The following SHQ1 variants were observed in gnomAD, a reference collection of about 807,000 sequenced individuals.
The protein encoded by SHQ1 is protein SHQ1 homolog.
In SHQ1, 49 loss-of-function variants were observed where a neutral mutation model predicts 53.8. That is an observed-to-expected ratio of 0.91 (90% CI 0.72 to 1.16). The LOEUF (loss-of-function observed/expected upper bound fraction) is 1.16, where lower values mean the gene tolerates loss of function less well. Among genes scored for constraint, SHQ1 ranks in the 50% most tolerant of loss-of-function variants. The pLI is 0.00. For synonymous variants in SHQ1, 243 were observed against 251.0 expected (o/e 0.97, Z 0.30); for missense variants, 738 against 683.1 (o/e 1.08, Z -0.90).
At chr3:72,815,546 A>G (rs1707286541) in intron 7 of SHQ1, 143 bp from the exon 8 acceptor site, 3 of 577,716 alleles carry the variant, frequency 5.2e-6, no homozygotes, top group African/African-American at 3.7e-5. Context: ...TAGAAAAATA[A>G]TTATTTTGCT....
intron 9 of SHQ1, among the ~76,000 whole-genome samples, chr3:72,804,848 C>T (rs894359786): frequency 6.6e-6 from 1 of 152,066 alleles, no homozygotes; most frequent in African/African-American, 2.4e-5. Context: ...CAGAGTGAGA[C>T]CTTGTCCCTA....
Position 72,798,292 on chromosome 3 carries a change from G to A in SHQ1, c.1061-5256C>T, listed in dbSNP as rs565760985. Among the ~76,000 whole-genome samples, 6 of 152,272 alleles carry A rather than the reference G, an allele frequency of 3.9e-5. No homozygotes were observed. The East Asian group carries it at 9.6e-4, about 24-fold the overall frequency. On this transcript the variant is annotated intron_variant, in intron 9 of 10. Coordinates refer to ENST00000325599, the MANE Select transcript of SHQ1 (RefSeq NM_018130.3). ...CAGGACGTTAAATCCCAAGAGTTAG[G>A]GATTCTCTAGGATGGACTTGGCTGA...
rs374852297 is a variant in SHQ1, at chr3:72,750,613, C to T, written c.1405G>A (p.Glu469Lys). The T allele has an allele frequency of 3.3e-5, 53 of 1,614,076 alleles. No individual in the cohort carries two copies. Among genetic ancestry groups the T allele is most frequent in the Middle Eastern group, 1.6e-4 (1 of 6,084 alleles). The change falls in exon 11 of 11, where the codon GAA (glutamate) becomes AAA (lysine). Residue 469 changes from glutamate to lysine, a missense_variant. Physicochemically the swap from Glu to Lys is moderately conservative, Grantham distance 56 (BLOSUM62 1). Coordinates refer to ENST00000325599, the MANE Select transcript of SHQ1 (RefSeq NM_018130.3). The stretch of plus-strand genomic sequence containing the variant: ...TGTTCTGAATCTGAGCCTGAGTCTT[C>T]GTTTCCAGATGACACGCTGCTGTCT... The part of the protein sequence containing the change: ...DSDSSVSSGN[E>K]DSGSDSEQDE...
chr3:72,830,094 G>A (rs891773047), intron 5 of SHQ1, among the ~76,000 whole-genome samples: 1 of 148,552 alleles, frequency 6.7e-6, no homozygotes, highest in Admixed American at 6.7e-5. Flanking sequence ...CAGCACTATA[G>A]TGAGCTGCAA....
chr3:72,751,508 G>GTGTATATATATATATA lies in SHQ1; in HGVS notation c.1182-673_1182-672insTATATATATATATACA, dbSNP rs1210782182. Among the ~76,000 whole-genome samples, 109 of 116,958 alleles carry GTGTATATATATATATA rather than the reference G, an allele frequency of 9.3e-4. 1 individual carries two copies. Among genetic ancestry groups the GTGTATATATATATATA allele is most frequent in the African/African-American group, 7.1e-4 (16 of 22,606 alleles). The allele number at this position is 116,958 out of a possible 152,430, so 76.7% of individuals were successfully genotyped here. ...TGTGTGTGTGTGTGTGTGTGTGTGT[G>GTGTATATATATATATA]TATATATATATATATATATATACAT... On this transcript the variant is annotated intron_variant, in intron 10 of 10. Coordinates refer to ENST00000325599, the MANE Select transcript of SHQ1 (RefSeq NM_018130.3).
rs202104618 is a variant in SHQ1, at chr3:72,812,903, A to G, written c.937-109T>C. The G allele has an allele frequency of 1.0e-5, 12 of 1,187,202 alleles. No homozygotes were observed. The East Asian group carries it at 2.9e-4, about 29-fold the overall frequency. The allele number at this position is 1,187,202 out of a possible 1,614,324, so 73.5% of individuals were successfully genotyped here. A position where few individuals can be genotyped will look rare whatever the true frequency, so the allele number is the denominator to read the frequency against. ...CATTTAAAAGCTGCAAGTTCGGATC[A>G]TTGTGAAGCCAAGTAGAAGAGAAAC... On this transcript the variant is annotated intron_variant, in intron 8 of 10. Transcript: ENST00000325599.
At chr3:72,832,518 T>G in intron 4 of SHQ1, 37 bp from the exon 5 acceptor site, 1 of 1,443,402 alleles carries the variant, frequency 6.9e-7, no homozygotes, top group African/African-American at 1.4e-5. Flanking sequence ...AATTGCTATC[T>G]CCTATTTTTA....
chr3:72,786,466 T>A (rs1263413093), intron 10 of SHQ1, among the ~76,000 whole-genome samples: 3 of 152,216 alleles, frequency 2.0e-5, no homozygotes, highest in Non-Finnish European at 2.9e-5. Flanking sequence ...AACCTATGCA[T>A]CCTGGGTTTT....
At chr3:72,781,788 A>G (rs1706081521) in intron 10 of SHQ1, among the ~76,000 whole-genome samples, 1 of 152,164 alleles carries the variant, frequency 6.6e-6, no homozygotes, top group South Asian at 2.1e-4. Context: ...CATCACTAAA[A>G]AAAAAGGTAT....
At chr3:72,754,522 C>T (rs538346907) in intron 10 of SHQ1, among the ~76,000 whole-genome samples, 1 of 152,176 alleles carries the variant, frequency 6.6e-6, no homozygotes, top group South Asian at 2.1e-4. Flanking sequence ...GCTGGAATTA[C>T]AGACATGAGC....
intron 10 of SHQ1, among the ~76,000 whole-genome samples, chr3:72,789,862 G>C (rs1706383697): frequency 6.6e-6 from 1 of 152,176 alleles, no homozygotes; most frequent in Admixed American, 6.5e-5. Context: ...TTTTCCTATA[G>C]GAAAATCTCT....
rs58956488 is a variant in SHQ1 at position 72,776,850 on chromosome 3, G to A, written c.1181+16066C>T. On this transcript the variant is annotated intron_variant, in intron 10 of 10. Transcript: ENST00000325599. ...GTAATTAAGAAAGTATGGCACTCTC[G>A]CATGACAGACAAGTAAATCAGTGGG... 3.7e-3 allele frequency among the ~76,000 whole-genome samples: 564 copies of A among 152,216 alleles called. 3 individuals are homozygous for A. Among genetic ancestry groups the A allele is most frequent in the East Asian group, 0.012 (62 of 5,168 alleles).
the SHQ1 span, among the ~76,000 whole-genome samples, chr3:72,735,792 G>GGCAGGCAA: frequency 3.3e-5 from 4 of 120,228 alleles, no homozygotes; most frequent in African/African-American, 1.2e-4. Context: ...CAGGCAGGCA[G>GGCAGGCAA]GCAGGCATTT....
chr3:72,795,830 C>T (rs769097535), intron 9 of SHQ1, among the ~76,000 whole-genome samples: 22 of 152,100 alleles, frequency 1.4e-4, no homozygotes, highest in Non-Finnish European at 1.8e-4. Context: ...TGGGGCTAGG[C>T]GTGGTGGCTC....
In SHQ1 at chr3:72,793,049, GA is replaced by G; in HGVS notation, c.1061-14del. 1 of 1,588,144 alleles carries G rather than the reference GA, an allele frequency of 6.3e-7. No homozygotes were observed. The highest frequency in any genetic ancestry group is 1.8e-5 in the Admixed American group (1 of 55,572). On this transcript the variant is annotated splice_polypyrimidine_tract_variant and intron_variant, in intron 9 of 10. Transcript: ENST00000325599. ...ACTGCACTTTTACCTAAAGAAAATTGAAAAAACATAAAATTATCCTTAAGAA... is the reference window on the plus strand; with the variant it reads ...ACTGCACTTTTACCTAAAGAAAATTGAAAAACATAAAATTATCCTTAAGAA...
intron 10 of SHQ1, chr3:72,773,490 A>AAAAAAAAAG (rs200052392): frequency 1.9e-5 from 5 of 263,400 alleles, no homozygotes; most frequent in African/African-American, 1.2e-4. Context: ...GCTTAAAAAA[A>AAAAAAAAAG]AAAAAAAGAA....
intron 9 of SHQ1, 93 bp downstream of exon 9, chr3:72,812,578 A>G: frequency 7.3e-7 from 1 of 1,376,864 alleles, no homozygotes. Context: ...TTATTTATAT[A>G]CAGTAAAAAA....
intron 10 of SHQ1, among the ~76,000 whole-genome samples, chr3:72,767,480 G>A (rs369034264): frequency 6.6e-6 from 1 of 152,190 alleles, no homozygotes; most frequent in East Asian, 1.9e-4. Flanking sequence ...TTGACAAAAC[G>A]TTTATGCAAA....
intron 3 of SHQ1, 75 bp from the exon 4 acceptor site, chr3:72,841,274 A>G: frequency 8.5e-7 from 1 of 1,183,000 alleles, no homozygotes; most frequent in Middle Eastern, 2.7e-4. Context: ...GTATAGGAAA[A>G]AATGCCCACA....
Sources: allele counts gnomAD v4.1 joint callset (sites outside exome capture counted in the v4.1 genomes callset), GRCh38; gene constraint gnomAD v4.1.1; transcripts MANE v1.5; gene names NCBI Gene and HGNC (gene_info 2026-07-23, HGNC 2026-07-21).